Variants in CSGALNACT1 observed in about 807,000 individuals in gnomAD.
CSGALNACT1 encodes chondroitin sulfate N-acetylgalactosaminyltransferase 1, also known as beta4GalNAcT-1.
A neutral mutation model predicts 51.0 loss-of-function variants in CSGALNACT1; 52 were observed. The ratio of observed to expected loss-of-function variants is 1.02; its 90% CI spans 0.82 to 1.29. The LOEUF (loss-of-function observed/expected upper bound fraction) is 1.29. Ranked by LOEUF, CSGALNACT1 falls within the 50% of genes most tolerant of loss-of-function variation. The pLI is 0.00. For synonymous variants in CSGALNACT1, 341 were observed against 254.4 expected (o/e 1.34, Z -3.24); for missense variants, 935 against 679.2 (o/e 1.38, Z -4.19).
chr8:19,456,634 C>G (rs1357353091), intron 5 of CSGALNACT1, among the ~76,000 whole-genome samples: 1 of 152,154 alleles, frequency 6.6e-6, no homozygotes, highest in Non-Finnish European at 1.5e-5. Context: ...TTGAAAGAAG[C>G]CAAAACTATA....
In CSGALNACT1 at chr8:19,668,287, C is replaced by G. The variant is rs138213166; in HGVS notation, c.-544+14186G>C. ...ACAAAGTTTGGGGACAGACACCCCT[C>G]AGCTTCCTTAGCCACTCATAGCTCA... On this transcript the variant is annotated intron_variant, in intron 1 of 9. Coordinates refer to the CSGALNACT1 transcript ENST00000332246. 2.3e-3 allele frequency among the ~76,000 whole-genome samples: 350 copies of G among 152,250 alleles called. 13 individuals are homozygous for G. In the East Asian group the frequency reaches 0.063, roughly 27 times the overall value.
intron 8 of CSGALNACT1, among the ~76,000 whole-genome samples, chr8:19,416,239 G>A (rs1178355845): frequency 6.6e-6 from 1 of 151,072 alleles, no homozygotes; most frequent in South Asian, 2.1e-4. Context: ...CTCAGCCTGT[G>A]GAGTAGTTGG....
rs114819851 is a variant in CSGALNACT1, at chr8:19,744,989, C to T, written c.-297+12861G>A. ...ACATCCACTGCCACGTAACGTATTA[C>T]TCTTGGTACCCATAAAGGTACCATA... is the stretch of plus-strand genomic sequence containing the variant. On this transcript the variant is annotated intron_variant, in intron 1 of 1. Transcript: ENST00000517494. 1.5e-3 allele frequency among the ~76,000 whole-genome samples: 224 copies of T among 152,298 alleles called. 2 individuals are homozygous for T. The highest frequency in any genetic ancestry group is 5.2e-3 in the African/African-American group (217 of 41,554).
rs1484203233 is a variant in CSGALNACT1 at position 19,700,929 on chromosome 8, A to G, written c.-297+56921T>C. Among the ~76,000 whole-genome samples the G allele has an allele frequency of 2.6e-5, 4 of 152,118 alleles. No individual in the cohort carries two copies. The East Asian group carries it at 5.8e-4, about 22-fold the overall frequency. ...ATTTTTGGAGAAATTACCTTTCCCAATATCCACTGAAAACAGGGATAGCCA... is the reference window on the plus strand; with the variant it reads ...ATTTTTGGAGAAATTACCTTTCCCAGTATCCACTGAAAACAGGGATAGCCA... On this transcript the variant is annotated intron_variant, in intron 1 of 1. Coordinates refer to the CSGALNACT1 transcript ENST00000517494.
Position 19,689,889 on chromosome 8 carries a change from G to A in CSGALNACT1, c.-297+67961C>T, listed in dbSNP as rs369372330. ...TGATATTAACAATCTGCTTTTTTGC[G>A]CTATGCTGTTTTCTTGTTCCTGCTC... On this transcript the variant is annotated intron_variant, in intron 1 of 1. Coordinates refer to the CSGALNACT1 transcript ENST00000517494. Among the ~76,000 whole-genome samples the A allele has an allele frequency of 1.2e-4, 18 of 152,256 alleles. No individual in the cohort carries two copies. The South Asian group carries it at 1.2e-3, about 11-fold the overall frequency.
At chr8:19,668,360 A>AC (rs59669948) in intron 1 of CSGALNACT1, among the ~76,000 whole-genome samples, 1 of 151,422 alleles carries the variant, frequency 6.6e-6, no homozygotes, top group African/African-American at 2.4e-5. Flanking sequence ...ACACACACAC[A>AC]ACTTTATCAA....
intron 6 of CSGALNACT1, among the ~76,000 whole-genome samples, chr8:19,429,047 A>T (rs12542575): frequency 0.47 from 70,850 of 151,964 alleles, 17,919 homozygotes; most frequent in East Asian, 0.83. Context: ...CCTATACCCA[A>T]GAAACAGTCA....
At chr8:19,501,693 T>G (rs774444709) in intron 4 of CSGALNACT1, among the ~76,000 whole-genome samples, 1 of 152,226 alleles carries the variant, frequency 6.6e-6, no homozygotes, top group Non-Finnish European at 1.5e-5. Flanking sequence ...ATTTGTTTGA[T>G]GGGATGATGT....
chr8:19,585,716 G>C (rs773198543), intron 3 of CSGALNACT1, among the ~76,000 whole-genome samples: 3 of 152,138 alleles, frequency 2.0e-5, no homozygotes, highest in Non-Finnish European at 2.9e-5. Context: ...TAGGCCATGA[G>C]GTGTAAAATG....
intron 5 of CSGALNACT1, among the ~76,000 whole-genome samples, chr8:19,445,898 G>C (rs919979105): frequency 2.6e-5 from 4 of 152,144 alleles, no homozygotes; most frequent in African/African-American, 7.2e-5. Context: ...AAGTAAGCTG[G>C]GCGTGGTGGC....
Position 19,464,918 on chromosome 8 carries a change from G to A in CSGALNACT1, c.635-6276C>T, listed in dbSNP as rs1256376936. Among the ~76,000 whole-genome samples the A allele has an allele frequency of 2.0e-5, 3 of 152,272 alleles. No homozygotes were observed. The East Asian group carries it at 5.8e-4, about 29-fold the overall frequency. The stretch of plus-strand genomic sequence containing the variant: ...GAAGCAACATGGTGCAGCCACTGCG[G>A]AATGCAGTTTGGTACTTCCTCACAA... On this transcript the variant is annotated intron_variant, in intron 4 of 9. Transcript: ENST00000454498.
chr8:19,430,117 T>A (rs1313610904), intron 6 of CSGALNACT1, among the ~76,000 whole-genome samples: 1 of 152,230 alleles, frequency 6.6e-6, no homozygotes, highest in East Asian at 1.9e-4. Context: ...TAGACCCTTA[T>A]CAGATTATGA....
intron 3 of CSGALNACT1, among the ~76,000 whole-genome samples, chr8:19,507,843 G>A (rs1056978120): frequency 1.3e-5 from 2 of 152,184 alleles, no homozygotes; most frequent in African/African-American, 2.4e-5. Context: ...TGGCCAGGAT[G>A]GTCTCTATCT....
rs949625291 is a variant in CSGALNACT1, at chr8:19,718,713, C to A, written c.-297+39137G>T. On this transcript the variant is annotated intron_variant, in intron 1 of 1. Transcript: ENST00000517494. ...GCAGTTGTTTGCCATTTAGCCATCT[C>A]TAAATCCACCCAAATTGCCTCCCAT... is the stretch of plus-strand genomic sequence containing the variant. Among the ~76,000 whole-genome samples the A allele has an allele frequency of 2.6e-5, 4 of 152,146 alleles. No individual in the cohort carries two copies. In the East Asian group the frequency reaches 5.8e-4, roughly 22 times the overall value.
chr8:19,669,392 T>C (rs1218305044), intron 1 of CSGALNACT1, among the ~76,000 whole-genome samples: 3 of 152,218 alleles, frequency 2.0e-5, no homozygotes, highest in Non-Finnish European at 4.4e-5. Context: ...TCAAAGCACA[T>C]GGTTACTCTA....
At chr8:19,508,992 A>G (rs903409272) in intron 3 of CSGALNACT1, among the ~76,000 whole-genome samples, 1 of 152,240 alleles carries the variant, frequency 6.6e-6, no homozygotes, top group African/African-American at 2.4e-5. Flanking sequence ...AAGAAGAAAA[A>G]GTGGAAAAGA....
At chr8:19,414,406 T>C (rs1009024992) in intron 8 of CSGALNACT1, among the ~76,000 whole-genome samples, 2 of 152,236 alleles carry the variant, frequency 1.3e-5, no homozygotes, top group East Asian at 1.9e-4. Flanking sequence ...CTAAAGTTAA[T>C]GTTTGTTTAA....
chr8:19,415,185 T>C (rs2056629434), intron 8 of CSGALNACT1, among the ~76,000 whole-genome samples: 3 of 152,154 alleles, frequency 2.0e-5, no homozygotes, highest in Admixed American at 2.0e-4. Context: ...AAGAAGAAAG[T>C]GAGGAAACAC....
intron 1 of CSGALNACT1, among the ~76,000 whole-genome samples, chr8:19,642,602 C>T (rs1293958970): frequency 1.3e-5 from 2 of 151,920 alleles, no homozygotes; most frequent in Non-Finnish European, 2.9e-5. Context: ...GAAATGCCTT[C>T]TCTACAAAAA....
Sources: allele counts gnomAD v4.1 joint callset (sites outside exome capture counted in the v4.1 genomes callset), GRCh38; gene constraint gnomAD v4.1.1; transcripts MANE v1.5; gene names NCBI Gene and HGNC (gene_info 2026-07-23, HGNC 2026-07-21).